The following TIAM1 variants were observed in gnomAD, a reference collection of about 807,000 sequenced individuals.
The protein encoded by TIAM1 is rho guanine nucleotide exchange factor TIAM1.
A neutral mutation model predicts 163.5 loss-of-function variants in TIAM1; 65 were observed. That is an observed-to-expected ratio of 0.40 (90% CI 0.33 to 0.49). The LOEUF is 0.49. Ranked by LOEUF, TIAM1 falls within the 20% of genes least tolerant of loss-of-function variation. The pLI, the probability that TIAM1 is intolerant of heterozygous loss-of-function variation, is 0.77. For missense variants in TIAM1, 1,789 were observed against 2,044.7 expected (o/e 0.87, Z 2.41); for synonymous variants, 833 against 810.1 (o/e 1.03, Z -0.48).
At chr21:31,286,463 T>G (rs1363149505) in intron 2 of TIAM1, among the ~76,000 whole-genome samples, 2 of 152,012 alleles carry the variant, frequency 1.3e-5, no homozygotes, top group Non-Finnish European at 2.9e-5. Context: ...ATCTTAGCAC[T>G]TTGGGAAGCC....
chr21:31,227,569 A>T (rs1047986649), intron 6 of TIAM1, among the ~76,000 whole-genome samples: 3 of 152,174 alleles, frequency 2.0e-5, no homozygotes, highest in Non-Finnish European at 4.4e-5. Context: ...AAGCAAATGG[A>T]ATCACTTTGT....
At chr21:31,279,207 G>A (rs1476649320) in intron 2 of TIAM1, among the ~76,000 whole-genome samples, 1 of 152,300 alleles carries the variant, frequency 6.6e-6, no homozygotes, top group South Asian at 2.1e-4. Flanking sequence ...GCAAAACGGA[G>A]TCGATTTGGT....
In TIAM1 at chr21:31,335,654, G is replaced by A. The variant is rs536866397; in HGVS notation, c.-189+3589C>T. ...TGGGAGGCGGAGGTTGCAGTGAGCC[G>A]AGATCACACCACTGCACTCCAGCCT... On this transcript the variant is annotated intron_variant, in intron 2 of 27. Transcript: ENST00000541036. Among the ~76,000 whole-genome samples, 119 of 149,884 alleles carry A rather than the reference G, an allele frequency of 7.9e-4. 1 individual carries two copies. Among genetic ancestry groups the A allele is most frequent in the African/African-American group, 2.3e-3 (90 of 39,924 alleles).
chr21:31,382,181 A>G (rs2076789481), intron 2 of TIAM1, among the ~76,000 whole-genome samples: 1 of 152,238 alleles, frequency 6.6e-6, no homozygotes, highest in South Asian at 2.1e-4. Flanking sequence ...CCCATGCAAT[A>G]TGCTTTTGCT....
chr21:31,458,101 T>C (rs903813056), intron 2 of TIAM1, among the ~76,000 whole-genome samples: 1 of 152,140 alleles, frequency 6.6e-6, no homozygotes. Flanking sequence ...CTCCACACTG[T>C]GGGCTACCCT....
intron 2 of TIAM1, among the ~76,000 whole-genome samples, chr21:31,433,633 G>A (rs974164426): frequency 6.6e-6 from 1 of 152,190 alleles, no homozygotes. Flanking sequence ...CTTGGAGGCT[G>A]AGAGATTTTA....
intron 1 of TIAM1, among the ~76,000 whole-genome samples, chr21:31,504,396 A>G (rs1234437233): frequency 6.6e-6 from 1 of 152,226 alleles, no homozygotes; most frequent in Non-Finnish European, 1.5e-5. Flanking sequence ...GGCTGCCACT[A>G]TGTCAAAAAG....
rs369159161 is a variant in TIAM1, at chr21:31,414,561, C to A, written c.-369+49422G>T. ...AAAGCATCCCAGGTCAGCTGAGGAC[C>A]CTCCACCATTTCCTCCTGTCTCTTG... On this transcript the variant is annotated intron_variant, in intron 2 of 28. Coordinates refer to the TIAM1 transcript ENST00000286827. Among the ~76,000 whole-genome samples the A allele has an allele frequency of 2.1e-4, 32 of 152,252 alleles. No individual in the cohort carries two copies. The East Asian group carries it at 5.6e-3, about 27-fold the overall frequency.
At chr21:31,413,264 C>CTTTTTTTTT (rs397866519) in intron 2 of TIAM1, among the ~76,000 whole-genome samples, 132 of 87,874 alleles carry the variant, frequency 1.5e-3, no homozygotes, top group African/African-American at 2.0e-3. Context: ...CTTTTCTTTT[C>CTTTTTTTTT]TTTTTTTTTT....
intron 2 of TIAM1, among the ~76,000 whole-genome samples, chr21:31,322,945 G>A (rs552701628): frequency 6.6e-6 from 1 of 152,300 alleles, no homozygotes; most frequent in South Asian, 2.1e-4. Flanking sequence ...CCTTGGTGGA[G>A]TCCATGGTAG....
chr21:31,436,619 C>T (rs1395714446), intron 2 of TIAM1, among the ~76,000 whole-genome samples: 8 of 150,966 alleles, frequency 5.3e-5, no homozygotes, highest in Non-Finnish European at 1.2e-4. Context: ...GGTGACAGAG[C>T]GAGACTCGGT....
At chr21:31,251,610 T>C in intron 5 of TIAM1, 132 bp downstream of exon 5, 3 of 959,968 alleles carry the variant, frequency 3.1e-6, no homozygotes, top group Non-Finnish European at 3.1e-6. Context: ...ATGATAAATG[T>C]TTTAAATTAG....
At chr21:31,532,689 G>A (rs949085502) in intron 1 of TIAM1, among the ~76,000 whole-genome samples, 10 of 152,102 alleles carry the variant, frequency 6.6e-5, no homozygotes, top group Admixed American at 4.6e-4. Flanking sequence ...CTTCAAACAC[G>A]CTTTGTGGGG....
At chr21:31,487,473 C>T (rs866674438) in intron 1 of TIAM1, among the ~76,000 whole-genome samples, 10 of 151,904 alleles carry the variant, frequency 6.6e-5, no homozygotes, top group South Asian at 2.1e-4. Context: ...TGGGTTCAAG[C>T]GATTCTCCTG....
At chr21:31,543,402 C>T (rs532478722) in intron 1 of TIAM1, among the ~76,000 whole-genome samples, 1 of 152,328 alleles carries the variant, frequency 6.6e-6, no homozygotes, top group East Asian at 1.9e-4. Context: ...CAAGCTCCTC[C>T]ACAGCAGCGC....
At chr21:31,285,685 A>T (rs1366940554) in intron 2 of TIAM1, among the ~76,000 whole-genome samples, 2 of 151,970 alleles carry the variant, frequency 1.3e-5, no homozygotes, top group Non-Finnish European at 2.9e-5. Flanking sequence ...ACATGGTGAA[A>T]CCCTGTCTCT....
At chr21:31,303,497 G>T (rs2019060841) in intron 2 of TIAM1, among the ~76,000 whole-genome samples, 1 of 152,110 alleles carries the variant, frequency 6.6e-6, no homozygotes, top group Non-Finnish European at 1.5e-5. Context: ...TTAGGAAATT[G>T]AATACAAAGA....
intron 2 of TIAM1, among the ~76,000 whole-genome samples, chr21:31,438,586 C>G (rs558059): frequency 6.6e-6 from 1 of 151,846 alleles, no homozygotes; most frequent in African/African-American, 2.4e-5. Flanking sequence ...AACGTACCAT[C>G]AGCTCACCTG....
chr21:31,548,065 A>G (rs942426519), intron 1 of TIAM1, among the ~76,000 whole-genome samples: 1 of 151,952 alleles, frequency 6.6e-6, no homozygotes, highest in Non-Finnish European at 1.5e-5. Context: ...CCAAATATCT[A>G]GAAAGTACAA....
Sources: allele counts gnomAD v4.1 joint callset (sites outside exome capture counted in the v4.1 genomes callset), GRCh38; gene constraint gnomAD v4.1.1; transcripts MANE v1.5; gene names NCBI Gene and HGNC (gene_info 2026-07-23, HGNC 2026-07-21).